ADAMTS3: variants seen among roughly 807,000 people sequenced by gnomAD.
ADAMTS3 encodes A disintegrin and metalloproteinase with thrombospondin motifs 3.
Under a neutral mutation model 129.0 loss-of-function variants are expected in ADAMTS3, and 73 were observed. That is an observed-to-expected ratio of 0.57 (90% CI 0.47 to 0.69). ADAMTS3 has a LOEUF of 0.69. Ranked by LOEUF, ADAMTS3 falls within the 30% of genes least tolerant of loss-of-function variation. ADAMTS3 has a pLI of 0.00. For synonymous variants in ADAMTS3, 477 were observed against 510.8 expected, an observed-to-expected ratio of 0.93 and a Z score of 0.89; for missense variants, 1,457 against 1,514.5, an observed-to-expected ratio of 0.96 and a Z score of 0.63.
rs566399484 is a variant in ADAMTS3, at chr4:72,363,202, A to G, written c.662-23509T>C. Among the ~76,000 whole-genome samples the G allele has an allele frequency of 1.4e-3, 206 of 152,166 alleles. 1 individual carries two copies. Among genetic ancestry groups the G allele is most frequent in the Non-Finnish European group, 1.2e-3 (79 of 68,004 alleles). Reference sequence around the variant, plus strand: ...TATTTTACATAAAGAAGAGATGGCAAAAACATATATACCGCTGATGATCCC... The same window carrying G: ...TATTTTACATAAAGAAGAGATGGCAGAAACATATATACCGCTGATGATCCC... On this transcript the variant is annotated intron_variant, in intron 4 of 21. Transcript: ENST00000286657.
chr4:72,515,314 A>T (rs1720436964), intron 3 of ADAMTS3, among the ~76,000 whole-genome samples: 7 of 151,260 alleles, frequency 4.6e-5, no homozygotes. Flanking sequence ...ATGTGTCTTT[A>T]TAGCAGCATG....
At chr4:72,444,174 T>C (rs1407506633) in intron 3 of ADAMTS3, among the ~76,000 whole-genome samples, 3 of 151,614 alleles carry the variant, frequency 2.0e-5, no homozygotes, top group Non-Finnish European at 4.4e-5. Flanking sequence ...AATACAAACA[T>C]AAAAATGCAC....
Position 72,548,766 on chromosome 4 carries a change from G to C in ADAMTS3, c.216C>G (p.Asp72Glu). 2 of 1,613,910 alleles carry C rather than the reference G, an allele frequency of 1.2e-6. No homozygotes were observed. The highest frequency in any genetic ancestry group is 1.7e-6 in the Non-Finnish European group (2 of 1,179,890). Residue 72 changes from aspartate to glutamate, a missense_variant, in exon 3 of 22, where the codon GAC becomes GAG. Asp to Glu is a conservative substitution (Grantham distance 45). Transcript: ENST00000286657. ...SASHKKRSAR[D>E]VSSNPEQLFF... ...ACAACTGCTCAGGGTTGGAAGACAC[G>C]TCCCTCGCTGACCTCTTTTTGTGAC...
chr4:72,529,904 A>T (rs187761496), intron 3 of ADAMTS3, among the ~76,000 whole-genome samples: 6,241 of 45,680 alleles, frequency 0.14, 549 homozygotes, highest in Non-Finnish European at 0.16. Context: ...ATTATATATA[A>T]ATAATATATA....
At chr4:72,365,513 A>G (rs1446059334) in intron 4 of ADAMTS3, among the ~76,000 whole-genome samples, 2 of 152,228 alleles carry the variant, frequency 1.3e-5, no homozygotes, top group African/African-American at 2.4e-5. Flanking sequence ...TATGCATTAT[A>G]TATCAGGGCC....
chr4:72,319,195 T>C, intron 9 of ADAMTS3, 137 bp downstream of exon 9: 2 of 1,061,556 alleles, frequency 1.9e-6, no homozygotes, highest in Non-Finnish European at 1.4e-6. Context: ...GTGCTGAATG[T>C]TCTAAGTCAT....
At chr4:72,473,310 G>C (rs933049134) in intron 3 of ADAMTS3, among the ~76,000 whole-genome samples, 1 of 152,012 alleles carries the variant, frequency 6.6e-6, no homozygotes, top group African/African-American at 2.4e-5. Context: ...CAAGATCCAT[G>C]ATGACATGCT....
intron 4 of ADAMTS3, among the ~76,000 whole-genome samples, chr4:72,399,927 C>T (rs1162081136): frequency 1.2e-4 from 1 of 8,026 alleles, no homozygotes; most frequent in African/African-American, 5.2e-4. Flanking sequence ...TGTGTATATA[C>T]GTGTGTATAT....
At chr4:72,293,152 C>T (rs895531645) in intron 19 of ADAMTS3, among the ~76,000 whole-genome samples, 2 of 152,106 alleles carry the variant, frequency 1.3e-5, no homozygotes, top group African/African-American at 4.8e-5. Flanking sequence ...CTCAGCAGTA[C>T]AAGGTGATGA....
At chr4:72,492,316 C>G (rs1719769182) in intron 3 of ADAMTS3, among the ~76,000 whole-genome samples, 1 of 148,542 alleles carries the variant, frequency 6.7e-6, no homozygotes, top group Non-Finnish European at 1.5e-5. Context: ...TTAGCTTATT[C>G]TTGTTTTTCT....
At chr4:72,564,038 G>A (rs973809137) in intron 2 of ADAMTS3, among the ~76,000 whole-genome samples, 2 of 152,094 alleles carry the variant, frequency 1.3e-5, no homozygotes, top group Non-Finnish European at 2.9e-5. Context: ...GAGAGAGTAA[G>A]ATTAGCAACT....
chr4:72,335,989 C>CT (rs1446588677), intron 5 of ADAMTS3, among the ~76,000 whole-genome samples: 2 of 152,134 alleles, frequency 1.3e-5, no homozygotes, highest in African/African-American at 4.8e-5. Context: ...ATAAGCTTCT[C>CT]TTTAAAAGGG....
At chr4:72,352,594 G>A (rs1227107562) in intron 4 of ADAMTS3, among the ~76,000 whole-genome samples, 1 of 151,922 alleles carries the variant, frequency 6.6e-6, no homozygotes, top group Non-Finnish European at 1.5e-5. Context: ...GGTCATCAAG[G>A]CGGTCACAGC....
chr4:72,414,015 T>C (rs1722244817), intron 4 of ADAMTS3, among the ~76,000 whole-genome samples: 1 of 151,862 alleles, frequency 6.6e-6, no homozygotes, highest in Non-Finnish European at 1.5e-5. Context: ...AGAAGACAAA[T>C]TATTTCTAAA....
At chr4:72,289,650 G>A (rs1301860829) in intron 20 of ADAMTS3, among the ~76,000 whole-genome samples, 1 of 152,204 alleles carries the variant, frequency 6.6e-6, no homozygotes, top group East Asian at 1.9e-4. Context: ...ACAATGTTGA[G>A]AGGGACCTTT....
intron 2 of ADAMTS3, 122 bp downstream of exon 2, chr4:72,567,252 G>T: frequency 3.1e-6 from 3 of 962,916 alleles, no homozygotes; most frequent in Non-Finnish European, 3.2e-6. Context: ...AATGTTTCCG[G>T]ACTACAGATT....
intron 4 of ADAMTS3, among the ~76,000 whole-genome samples, chr4:72,383,921 A>C (rs1470354816): frequency 6.6e-6 from 1 of 152,114 alleles, no homozygotes; most frequent in Non-Finnish European, 1.5e-5. Flanking sequence ...GATATAAAGA[A>C]AAATATACTT....
chr4:72,470,115 T>C (rs1259281158), intron 3 of ADAMTS3, among the ~76,000 whole-genome samples: 1 of 151,996 alleles, frequency 6.6e-6, no homozygotes, highest in Non-Finnish European at 1.5e-5. Flanking sequence ...CAAGTTTGTA[T>C]ACAAGATGAG....
Position 72,339,602 on chromosome 4 carries a change from C to T in ADAMTS3, c.753G>A (p.Ala251=), listed in dbSNP as rs772133665. Residue 251 remains alanine (A), a synonymous_variant, in exon 5 of 22, where the codon GCG becomes GCA. Coordinates refer to ENST00000286657, the MANE Select transcript of ADAMTS3 (RefSeq NM_014243.3). The part of the protein sequence containing the change: ...LNETMRRRRH[A]GENDYNIEVL... ...CCTCGATATTGTAATCGTTTTCTCC[C>T]GCGTGTCTGCGGCGTCTCATTGTTT... 8.1e-6 allele frequency: 13 copies of T among 1,613,798 alleles called. No homozygotes were observed. The Admixed American group carries it at 1.3e-4, about 17-fold the overall frequency.
Sources: allele counts gnomAD v4.1 joint callset (sites outside exome capture counted in the v4.1 genomes callset), GRCh38; gene constraint gnomAD v4.1.1; transcripts MANE v1.5; gene names NCBI Gene and HGNC (gene_info 2026-07-23, HGNC 2026-07-21).